Variants in PDE9A observed in about 807,000 individuals in gnomAD.
PDE9A encodes the protein high affinity cGMP-specific 3',5'-cyclic phosphodiesterase 9A.
A neutral mutation model predicts 87.4 loss-of-function variants in PDE9A; 60 were observed. The observed-to-expected ratio is 0.69, with a 90% CI of 0.56 to 0.85. The LOEUF (loss-of-function observed/expected upper bound fraction) is 0.85. PDE9A is among the 40% of genes least tolerant of loss of function. The pLI, the probability that PDE9A is intolerant of heterozygous loss-of-function variation, is 0.00. For synonymous variants in PDE9A, 272 were observed against 279.4 expected, an observed-to-expected ratio of 0.97 and a Z score of 0.27; for missense variants, 665 against 779.0, an observed-to-expected ratio of 0.85 and a Z score of 1.74.
rs1456910650 is a variant in PDE9A, at chr21:42,760,723, C to T, written c.1003-102C>T. ...AGGAGATGCCAGATGGCTGCAGGGGCCTTTGTCCCCCGCTTACCACTCACC... is the reference window on the plus strand; with the variant it reads ...AGGAGATGCCAGATGGCTGCAGGGGTCTTTGTCCCCCGCTTACCACTCACC... On this transcript the variant is annotated intron_variant, in intron 12 of 19. Transcript: ENST00000291539. The surrounding 1 kb of genome is among the most constrained non-coding windows in gnomAD (Gnocchi z 5.2). 10 of 744,172 alleles carry T rather than the reference C, an allele frequency of 1.3e-5. No homozygotes were observed. The East Asian group carries it at 2.4e-4, about 18-fold the overall frequency. The allele number at this position is 744,172 out of a possible 1,614,324, so 46.1% of individuals were successfully genotyped here.
chr21:42,747,908 A>G (rs895858015), intron 8 of PDE9A, among the ~76,000 whole-genome samples: 3 of 152,244 alleles, frequency 2.0e-5, no homozygotes, highest in African/African-American at 4.8e-5. Flanking sequence ...AGCTCCAAAT[A>G]GGATGAAAAG....
chr21:42,664,001 C>G (rs916882040), intron 1 of PDE9A, among the ~76,000 whole-genome samples: 1 of 152,182 alleles, frequency 6.6e-6, no homozygotes, highest in Non-Finnish European at 1.5e-5. Context: ...GTGAGTCCAC[C>G]ATGTGTCCTC....
chr21:42,734,259 G>A (rs2052150086), intron 7 of PDE9A: 1 of 152,224 alleles, frequency 6.6e-6, no homozygotes, highest in South Asian at 2.1e-4. Flanking sequence ...GGGAGCCAAG[G>A]AGTGTCGATT....
chr21:42,706,536 T>G (rs2048847996), intron 4 of PDE9A, among the ~76,000 whole-genome samples: 1 of 152,014 alleles, frequency 6.6e-6, no homozygotes, highest in Middle Eastern at 3.4e-3. Flanking sequence ...TCCTAGCTAC[T>G]TGGAAGGCTG....
At chr21:42,709,883 C>T (rs543981834) in intron 4 of PDE9A, among the ~76,000 whole-genome samples, 9 of 152,270 alleles carry the variant, frequency 5.9e-5, no homozygotes, top group Non-Finnish European at 1.0e-4. Context: ...TTGTAAGATC[C>T]ATTCGTGCAG....
chr21:42,670,728 T>C (rs916113707), intron 1 of PDE9A, among the ~76,000 whole-genome samples: 1 of 149,804 alleles, frequency 6.7e-6, no homozygotes, highest in African/African-American at 2.5e-5. Context: ...CACAGTCACA[T>C]ACACCCACAT....
At chr21:42,664,425 G>A (rs1363351806) in intron 1 of PDE9A, among the ~76,000 whole-genome samples, 2 of 152,212 alleles carry the variant, frequency 1.3e-5, no homozygotes, top group Admixed American at 6.5e-5. Flanking sequence ...GACAGTTGCA[G>A]CAGATGAGGC....
At chr21:42,770,228 C>A (rs1327710477) in intron 17 of PDE9A, among the ~76,000 whole-genome samples, 1 of 152,034 alleles carries the variant, frequency 6.6e-6, no homozygotes, top group Non-Finnish European at 1.5e-5. Context: ...CCTCAAGGCA[C>A]CCCCAGCATG....
chr21:42,653,931 CG>C (rs2056837442), intron 1 of PDE9A, 48 bp downstream of exon 1: 1 of 1,168,426 alleles, frequency 8.6e-7, no homozygotes, highest in African/African-American at 1.6e-5. Context: ...CGGGTGACAG[CG>C]CCGGGGCCGG....
intron 7 of PDE9A, among the ~76,000 whole-genome samples, chr21:42,740,513 G>T (rs2053024162): frequency 6.6e-6 from 1 of 151,674 alleles, no homozygotes; most frequent in Non-Finnish European, 1.5e-5. Context: ...AGATAGAACG[G>T]ATAGAAAAAT....
intron 1 of PDE9A, among the ~76,000 whole-genome samples, chr21:42,665,807 A>G (rs540668321): frequency 4.1e-4 from 62 of 152,312 alleles, no homozygotes; most frequent in African/African-American, 1.4e-3. Context: ...ATAATGAACA[A>G]TGGATGCATG....
chr21:42,703,333 G>A lies in PDE9A; in HGVS notation c.262+4322G>A, dbSNP rs906011357. On this transcript the variant is annotated intron_variant, in intron 4 of 19. Transcript: ENST00000291539. ...TTGGTGAGGCCAGCAGGGAGTGAGTGAGCACCAGCAGGAGGGGCCAGGCCT... is the reference window on the plus strand; with the variant it reads ...TTGGTGAGGCCAGCAGGGAGTGAGTAAGCACCAGCAGGAGGGGCCAGGCCT... 3.3e-5 allele frequency among the ~76,000 whole-genome samples: 5 copies of A among 152,218 alleles called. No individual in the cohort carries two copies. The South Asian group carries it at 1.0e-3, about 32-fold the overall frequency.
chr21:42,693,666 C>T (rs1602098371), intron 3 of PDE9A, among the ~76,000 whole-genome samples: 1 of 147,162 alleles, frequency 6.8e-6, no homozygotes, highest in African/African-American at 2.5e-5. Context: ...GATCTCAGCT[C>T]ACTGCAACCT....
At chr21:42,697,434 A>G (rs369348110) in intron 3 of PDE9A, 28 of 1,611,148 alleles carry the variant, frequency 1.7e-5, no homozygotes, top group Non-Finnish European at 2.3e-5. Flanking sequence ...CATTCTCTAT[A>G]CATCACTCCG....
In PDE9A at chr21:42,667,491, C is replaced by T. The variant is rs924662347; in HGVS notation, c.69+13608C>T. On this transcript the variant is annotated intron_variant, in intron 1 of 19. Coordinates refer to ENST00000291539, the MANE Select transcript of PDE9A (RefSeq NM_002606.3). ...CACACCCCTCCCTCCCAGTTGCCTGCCCAGTATGTTTGTTTTGTTCTCTTG... is the reference window on the plus strand; with the variant it reads ...CACACCCCTCCCTCCCAGTTGCCTGTCCAGTATGTTTGTTTTGTTCTCTTG... Among the ~76,000 whole-genome samples, 3 of 152,110 alleles carry T rather than the reference C, an allele frequency of 2.0e-5. No individual in the cohort carries two copies. In the South Asian group the frequency reaches 6.3e-4, roughly 32 times the overall value.
intron 1 of PDE9A, among the ~76,000 whole-genome samples, chr21:42,674,266 A>G (rs572000939): frequency 1.3e-5 from 2 of 150,574 alleles, no homozygotes; most frequent in South Asian, 4.2e-4. Flanking sequence ...TAGGAGATGC[A>G]TGGATCTGAG....
At chr21:42,686,495 A>G (rs2059483189) in intron 2 of PDE9A, among the ~76,000 whole-genome samples, 1 of 152,226 alleles carries the variant, frequency 6.6e-6, no homozygotes, top group Admixed American at 6.5e-5. Context: ...GTCGGGCTGA[A>G]TTAAACAGAA....
At chr21:42,771,231 C>A (rs1161321427) in intron 18 of PDE9A, among the ~76,000 whole-genome samples, 1 of 152,214 alleles carries the variant, frequency 6.6e-6, no homozygotes, top group Non-Finnish European at 1.5e-5. Context: ...GACAAAGCGA[C>A]CACCCACCTG....
chr21:42,748,323 T>C (rs1212440766), intron 8 of PDE9A, among the ~76,000 whole-genome samples: 1 of 152,220 alleles, frequency 6.6e-6, no homozygotes, highest in African/African-American at 2.4e-5. Context: ...ATTTTGTTGG[T>C]TGGTTTTGTT....
Sources: allele counts gnomAD v4.1 joint callset (sites outside exome capture counted in the v4.1 genomes callset), GRCh38; gene constraint gnomAD v4.1.1; non-coding constraint Gnocchi (gnomAD v3.1); transcripts MANE v1.5; gene names NCBI Gene and HGNC (gene_info 2026-07-23, HGNC 2026-07-21).